The following MBNL1 variants were observed in gnomAD, a reference collection of about 807,000 sequenced individuals.
MBNL1 encodes the protein muscleblind-like protein 1.
Under a neutral mutation model 42.2 loss-of-function variants are expected in MBNL1, and 8 were observed. That is an observed-to-expected ratio of 0.19 (90% CI 0.11 to 0.34). The LOEUF (loss-of-function observed/expected upper bound fraction) is 0.34, where lower values mean the gene tolerates loss of function less well. Ranked by LOEUF, MBNL1 falls within the 10% of genes least tolerant of loss-of-function variation. MBNL1 has a pLI of 1.00. For missense variants in MBNL1, 309 were observed against 495.3 expected, an observed-to-expected ratio of 0.62 and a Z score of 3.57; for synonymous variants, 169 against 173.9, an observed-to-expected ratio of 0.97 and a Z score of 0.22.
intron 1 of MBNL1, among the ~76,000 whole-genome samples, chr3:152,277,372 T>TA (rs2045876617): frequency 6.6e-6 from 1 of 152,168 alleles, no homozygotes; most frequent in South Asian, 2.1e-4. Flanking sequence ...AATGCCTGTG[T>TA]AACCTATCCT....
At chr3:152,355,201 GAC>G (rs1361832719) in intron 2 of MBNL1, among the ~76,000 whole-genome samples, 1 of 152,068 alleles carries the variant, frequency 6.6e-6, no homozygotes, top group African/African-American at 2.4e-5. Flanking sequence ...TTGGTGCTGG[GAC>G]TCCAGAGCCA....
At position 152,421,642 on chromosome 3, in the gene MBNL1, G is replaced by A. The variant is rs138466866; in HGVS notation, c.345+6531G>A. Among the ~76,000 whole-genome samples the A allele has an allele frequency of 1.4e-3, 215 of 152,168 alleles. 1 individual carries two copies. The highest frequency in any genetic ancestry group is 2.9e-3 in the South Asian group (14 of 4,826). The stretch of plus-strand genomic sequence containing the variant: ...AAGAGCAACCCCAAGACATATAATC[G>A]TCAGATTCACCAAGGTTTAAATGAA... On this transcript the variant is annotated intron_variant, in intron 3 of 9. Transcript: ENST00000324210.
At chr3:152,366,454 G>A (rs7633673) in intron 2 of MBNL1, among the ~76,000 whole-genome samples, 61,849 of 151,944 alleles carry the variant, frequency 0.41, 13,008 homozygotes, top group South Asian at 0.51. Flanking sequence ...AGGATAATGT[G>A]ATACCCTCAG....
intron 2 of MBNL1, among the ~76,000 whole-genome samples, chr3:152,409,222 C>G (rs960844326): frequency 6.6e-6 from 1 of 152,054 alleles, no homozygotes; most frequent in African/African-American, 2.4e-5. Context: ...CTCTTAAAAT[C>G]ATTCACCTTA....
At chr3:152,384,013 A>G (rs1450412927) in intron 2 of MBNL1, among the ~76,000 whole-genome samples, 1 of 152,130 alleles carries the variant, frequency 6.6e-6, no homozygotes, top group Admixed American at 6.6e-5. Context: ...TGGCTTTGCA[A>G]TGTGTATTCG....
rs2098590736 is a variant in MBNL1, at chr3:152,411,986, A to G, written c.175-2955A>G. On this transcript the variant is annotated intron_variant, in intron 2 of 9. Transcript: ENST00000324210. ...TTCATCTTGAGGCATTTAGTAAGAAATGAACATTCATTCATTCTGTGAATG... is the reference window on the plus strand; with the variant it reads ...TTCATCTTGAGGCATTTAGTAAGAAGTGAACATTCATTCATTCTGTGAATG... Among the ~76,000 whole-genome samples the G allele has an allele frequency of 2.0e-5, 3 of 152,204 alleles. No homozygotes were observed. The South Asian group carries it at 6.2e-4, about 32-fold the overall frequency.
intron 2 of MBNL1, among the ~76,000 whole-genome samples, chr3:152,393,990 G>C (rs868418838): frequency 6.6e-6 from 1 of 152,148 alleles, no homozygotes; most frequent in Non-Finnish European, 1.5e-5. Context: ...TGGTTATTGA[G>C]AGTAACCAAT....
At chr3:152,325,087 G>GCCCCCCCCCCCCCCCCCCCCCC (rs532842950) in intron 2 of MBNL1, among the ~76,000 whole-genome samples, 1 of 15,368 alleles carries the variant, frequency 6.5e-5, no homozygotes, top group African/African-American at 2.4e-4. Flanking sequence ...CCACATACCC[G>GCCCCCCCCCCCCCCCCCCCCCC]CCCCCCCCCG....
intron 2 of MBNL1, chr3:152,302,400 A>C (rs1452841071): frequency 6.6e-6 from 1 of 152,184 alleles, no homozygotes; most frequent in African/African-American, 2.4e-5. Flanking sequence ...TACCCAGGAC[A>C]GTAGCTTCTT....
chr3:152,438,702 T>A (rs1432920810), intron 4 of MBNL1, among the ~76,000 whole-genome samples: 1 of 152,224 alleles, frequency 6.6e-6, no homozygotes, highest in Non-Finnish European at 1.5e-5. Flanking sequence ...ATGCAAATAG[T>A]TAAAAACACA....
At chr3:152,458,225 T>C in intron 8 of MBNL1, 1 of 1,601,542 alleles carries the variant, frequency 6.2e-7, no homozygotes, top group Non-Finnish European at 8.6e-7. Flanking sequence ...TTGGAGCACA[T>C]TTTCGTGCCA....
At chr3:152,361,763 A>G (rs561294899) in intron 2 of MBNL1, among the ~76,000 whole-genome samples, 1 of 152,310 alleles carries the variant, frequency 6.6e-6, no homozygotes, top group East Asian at 1.9e-4. Context: ...GTTTTAATTT[A>G]GGTAGATTAA....
chr3:152,439,985 A>C (rs1261129033), intron 4 of MBNL1, among the ~76,000 whole-genome samples: 1 of 152,236 alleles, frequency 6.6e-6, no homozygotes, highest in Non-Finnish European at 1.5e-5. Flanking sequence ...GGAATGAATA[A>C]ATGACAACGT....
chr3:152,308,824 T>C (rs193203486), intron 2 of MBNL1, among the ~76,000 whole-genome samples: 1 of 152,114 alleles, frequency 6.6e-6, no homozygotes, highest in Non-Finnish European at 1.5e-5. Flanking sequence ...GTTTTGTTTT[T>C]TTTTTTGGCA....
At chr3:152,433,613 G>A (rs1172274612) in intron 4 of MBNL1, among the ~76,000 whole-genome samples, 1 of 152,016 alleles carries the variant, frequency 6.6e-6, no homozygotes, top group East Asian at 1.9e-4. Context: ...AGTCGGGCGT[G>A]GTAGCGGGCG....
intron 2 of MBNL1, among the ~76,000 whole-genome samples, chr3:152,411,002 A>T (rs996518868): frequency 6.6e-6 from 1 of 152,234 alleles, no homozygotes; most frequent in Admixed American, 6.5e-5. Flanking sequence ...GCTGCCTATT[A>T]CGACAGGTGC....
intron 2 of MBNL1, among the ~76,000 whole-genome samples, chr3:152,401,764 G>T (rs535047472): frequency 6.6e-6 from 1 of 152,098 alleles, no homozygotes; most frequent in Admixed American, 6.6e-5. Context: ...GGTGGCTCAC[G>T]CCTGTAATCC....
At chr3:152,365,300 A>T (rs1483100338) in intron 2 of MBNL1, among the ~76,000 whole-genome samples, 1 of 152,080 alleles carries the variant, frequency 6.6e-6, no homozygotes, top group African/African-American at 2.4e-5. Context: ...TCACTTGATT[A>T]TGTGAATAGT....
At chr3:152,458,272 T>A in intron 8 of MBNL1, 2 of 1,272,804 alleles carry the variant, frequency 1.6e-6, no homozygotes, top group South Asian at 2.5e-5. Flanking sequence ...AAATGTCAGC[T>A]GAGAACTGGA....
Sources: allele counts gnomAD v4.1 joint callset (sites outside exome capture counted in the v4.1 genomes callset), GRCh38; gene constraint gnomAD v4.1.1; transcripts MANE v1.5; gene names NCBI Gene and HGNC (gene_info 2026-07-23, HGNC 2026-07-21).